Variants in RBMS3 observed in about 807,000 individuals in gnomAD.
RBMS3 encodes RNA binding motif single stranded interacting protein 3, also known as RNA-binding motif, single-stranded-interacting protein 3.
In RBMS3, 27 loss-of-function variants were observed where a neutral mutation model predicts 66.8. The observed-to-expected ratio is 0.40, with a 90% CI of 0.30 to 0.56. RBMS3 has a LOEUF of 0.56. Among genes scored for constraint, RBMS3 ranks in the 20% least tolerant of loss-of-function variants. The pLI is 0.40. For synonymous variants in RBMS3, 188 were observed against 183.0 expected (o/e 1.03, Z -0.22); for missense variants, 513 against 549.5 (o/e 0.93, Z 0.66).
In RBMS3 at chr3:29,425,932, A is replaced by T. The variant is rs1575781874; in HGVS notation, c.76-8811A>T. ...GATCTCTGAGGTATTCCTTGGACAA[A>T]CACAGCAGATATTCCATTATGGTCA... is the stretch of plus-strand genomic sequence containing the variant. On this transcript the variant is annotated intron_variant, in intron 1 of 14. Coordinates refer to ENST00000383767, the MANE Select transcript of RBMS3 (RefSeq NM_001003793.3). Among the ~76,000 whole-genome samples the T allele has an allele frequency of 3.9e-5, 6 of 152,274 alleles. 1 individual carries two copies. Among genetic ancestry groups the T allele is most frequent in the Admixed American group, 3.9e-4 (6 of 15,286 alleles).
Position 29,814,756 on chromosome 3 carries a change from T to C in RBMS3, c.637+51767T>C, listed in dbSNP as rs555169502. ...TTTATCCACGTGCACATTGTGCACA[T>C]GTACCCTAAAACTTAAAGTATAATA... On this transcript the variant is annotated intron_variant, in intron 6 of 14. Transcript: ENST00000383767. Among the ~76,000 whole-genome samples the C allele has an allele frequency of 2.0e-5, 3 of 152,340 alleles. No homozygotes were observed. In the East Asian group the frequency reaches 5.8e-4, roughly 29 times the overall value.
intron 6 of RBMS3, among the ~76,000 whole-genome samples, chr3:29,839,583 G>T (rs1225875670): frequency 4.0e-5 from 6 of 151,502 alleles, no homozygotes; most frequent in African/African-American, 1.5e-4. Context: ...AGGAAAAAAA[G>T]AGAAAATAAT....
intron 6 of RBMS3, among the ~76,000 whole-genome samples, chr3:29,774,707 A>T (rs34771920): frequency 0.074 from 11,270 of 152,080 alleles, 550 homozygotes; most frequent in South Asian, 0.11. Flanking sequence ...TGTAAAGTGG[A>T]GTTTTCCAGG....
intron 3 of RBMS3, among the ~76,000 whole-genome samples, chr3:29,538,756 C>T (rs981521172): frequency 6.6e-6 from 1 of 152,312 alleles, no homozygotes; most frequent in Non-Finnish European, 1.5e-5. Context: ...AATGAAGGCA[C>T]ATGTTGTCCT....
chr3:29,824,894 A>G (rs548475422), intron 6 of RBMS3, among the ~76,000 whole-genome samples: 1 of 151,870 alleles, frequency 6.6e-6, no homozygotes, highest in Non-Finnish European at 1.5e-5. Context: ...TTATTTTTAT[A>G]CAGAGCATTT....
In RBMS3 at chr3:30,004,009, C is replaced by T; in HGVS notation, c.*147C>T. The T allele has an allele frequency of 3.8e-6, 2 of 531,644 alleles. No individual in the cohort carries two copies. The highest frequency in any genetic ancestry group is 1.7e-4 in the South Asian group (2 of 11,926). The allele number at this position is 531,644 out of a possible 1,614,324, so 32.9% of individuals were successfully genotyped here. A position where few individuals can be genotyped will look rare whatever the true frequency, so the allele number is the denominator to read the frequency against. ...TTTTTTTTTAGTGTTATACCTTACC[C>T]AATGAAAGCAAAGTTTTTATGTGCT... On this transcript the variant is annotated 3_prime_UTR_variant, in exon 15 of 15. Transcript: ENST00000383767.
In RBMS3 at chr3:29,281,282, G is replaced by A. The variant is rs2031745842; in HGVS notation, c.-400G>A. The A allele has an allele frequency of 1.2e-5, 2 of 167,634 alleles. No homozygotes were observed. The highest frequency in any genetic ancestry group is 2.4e-5 in the Non-Finnish European group (2 of 83,740). The allele number at this position is 167,634 out of a possible 1,614,324, so 10.4% of individuals were successfully genotyped here. ...CAAGAGACAGGAAGCTGATCTGCAAGGATTCGGAGTTGTGCTAAAAGGACT... is the reference window on the plus strand; with the variant it reads ...CAAGAGACAGGAAGCTGATCTGCAAAGATTCGGAGTTGTGCTAAAAGGACT... On this transcript the variant is annotated 5_prime_UTR_variant, in exon 1 of 15. Coordinates refer to ENST00000383767, the MANE Select transcript of RBMS3 (RefSeq NM_001003793.3).
intron 4 of RBMS3, among the ~76,000 whole-genome samples, chr3:29,736,234 T>C (rs190625636): frequency 1.5e-3 from 231 of 152,336 alleles, no homozygotes; most frequent in Non-Finnish European, 2.7e-3. Flanking sequence ...CACTCCCCAA[T>C]GTCATATTCT....
intron 1 of RBMS3, among the ~76,000 whole-genome samples, chr3:29,318,300 A>G (rs1334568765): frequency 6.6e-6 from 1 of 151,854 alleles, no homozygotes; most frequent in East Asian, 1.9e-4. Flanking sequence ...AATTTTGCAA[A>G]CTAGAAATGT....
chr3:29,627,183 T>C (rs1167698726), intron 4 of RBMS3, among the ~76,000 whole-genome samples: 1 of 152,124 alleles, frequency 6.6e-6, no homozygotes, highest in African/African-American at 2.4e-5. Flanking sequence ...CAATTGGCAT[T>C]AAAGTGCTGA....
intron 4 of RBMS3, among the ~76,000 whole-genome samples, chr3:29,654,097 T>C (rs10510622): frequency 0.23 from 35,080 of 152,128 alleles, 4,429 homozygotes; most frequent in East Asian, 0.35. Flanking sequence ...GAAGGTACTA[T>C]TTAGCTGGCA....
Position 29,771,219 on chromosome 3 carries a change from C to T in RBMS3, c.637+8230C>T, listed in dbSNP as rs2056184894. Among the ~76,000 whole-genome samples the T allele has an allele frequency of 2.0e-5, 3 of 151,970 alleles. No individual in the cohort carries two copies. The South Asian group carries it at 6.2e-4, about 32-fold the overall frequency. On this transcript the variant is annotated intron_variant, in intron 6 of 14. Transcript: ENST00000383767. Reference sequence around the variant, plus strand: ...GTAATATTTTAGTTATTTTTCAGTACAAAAAATAAATCTTTCATAGGAAAT... The same window carrying T: ...GTAATATTTTAGTTATTTTTCAGTATAAAAAATAAATCTTTCATAGGAAAT...
At chr3:29,759,035 T>C (rs1276076108) in intron 5 of RBMS3, among the ~76,000 whole-genome samples, 2 of 152,166 alleles carry the variant, frequency 1.3e-5, no homozygotes, top group Non-Finnish European at 2.9e-5. Flanking sequence ...AACTGTGTGA[T>C]TCTCTATGGA....
At chr3:29,741,040 C>CA (rs369719098) in intron 5 of RBMS3, among the ~76,000 whole-genome samples, 10,708 of 90,598 alleles carry the variant, frequency 0.12, 719 homozygotes, top group African/African-American at 0.24. Context: ...GACTCCATCT[C>CA]AAAAAAAAAA....
At chr3:29,371,235 G>A (rs2125602211) in intron 1 of RBMS3, among the ~76,000 whole-genome samples, 1 of 152,318 alleles carries the variant, frequency 6.6e-6, no homozygotes, top group East Asian at 1.9e-4. Context: ...AATGTTTTAA[G>A]ATTGGTAACA....
intron 8 of RBMS3, among the ~76,000 whole-genome samples, chr3:29,892,847 T>G (rs77373736): frequency 0.11 from 5,835 of 52,760 alleles, 135 homozygotes; most frequent in Middle Eastern, 0.19. Flanking sequence ...ATGTATGTAT[T>G]TATTTATTTA....
chr3:29,439,020 C>T lies in RBMS3; in HGVS notation c.248+4105C>T, dbSNP rs2041508024. On this transcript the variant is annotated intron_variant, in intron 2 of 14. Coordinates refer to ENST00000383767, the MANE Select transcript of RBMS3 (RefSeq NM_001003793.3). ...AGATTAGAAGGATAAATAGATTTAA[C>T]TAATCTAGAAAAAAGTGGAAGAGCA... 2.0e-5 allele frequency among the ~76,000 whole-genome samples: 3 copies of T among 151,980 alleles called. No individual in the cohort carries two copies. In the South Asian group the frequency reaches 6.2e-4, roughly 32 times the overall value.
At chr3:29,824,993 C>T (rs982573518) in intron 6 of RBMS3, among the ~76,000 whole-genome samples, 5 of 151,386 alleles carry the variant, frequency 3.3e-5, no homozygotes, top group Non-Finnish European at 7.4e-5. Context: ...TTCATTGCCC[C>T]AAAGTCTTCA....
At chr3:29,409,830 T>C (rs2040188468) in intron 1 of RBMS3, among the ~76,000 whole-genome samples, 1 of 152,212 alleles carries the variant, frequency 6.6e-6, no homozygotes. Flanking sequence ...AAGGAGCAAG[T>C]TGCAGTATGT....
Sources: gnomAD v4.1 joint callset for allele counts (sites outside exome capture counted in the v4.1 genomes callset) on GRCh38, gnomAD v4.1.1 for gene constraint, MANE v1.5 for transcripts, NCBI Gene and HGNC (gene_info 2026-07-23, HGNC 2026-07-21) for gene names.